Variants in MTA1 observed in about 807,000 individuals in gnomAD.
The protein encoded by MTA1 is metastasis-associated protein MTA1.
A neutral mutation model predicts 97.0 loss-of-function variants in MTA1; 15 were observed. The observed-to-expected ratio is 0.15, with a 90% CI of 0.10 to 0.24. MTA1 has a LOEUF of 0.24. Among genes scored for constraint, MTA1 ranks in the 10% least tolerant of loss-of-function variants. MTA1 has a pLI of 1.00. For missense variants in MTA1, 709 were observed against 1,015.1 expected (o/e 0.70, Z 4.10); for synonymous variants, 435 against 417.5 (o/e 1.04, Z -0.51).
intron 1 of MTA1, among the ~76,000 whole-genome samples, chr14:105,432,474 C>T (rs1595285095): frequency 6.6e-6 from 1 of 152,058 alleles, no homozygotes; most frequent in Non-Finnish European, 1.5e-5. Flanking sequence ...CTCCTGACCT[C>T]ATGATCCACC....
intron 7 of MTA1, among the ~76,000 whole-genome samples, chr14:105,457,306 T>G (rs1220007979): frequency 6.6e-6 from 1 of 152,236 alleles, no homozygotes; most frequent in Non-Finnish European, 1.5e-5. Context: ...GGTCTTGTTT[T>G]TTGGCGAGTA....
chr14:105,464,341 G>A (rs1394326644), intron 13 of MTA1, 75 bp from the exon 14 acceptor site: 1 of 1,579,516 alleles, frequency 6.3e-7, no homozygotes, highest in African/African-American at 1.3e-5. Context: ...CGGCCGGCGT[G>A]GGGGTGGCGG....
chr14:105,431,905 C>T (rs1377148659), intron 1 of MTA1, among the ~76,000 whole-genome samples: 4 of 152,160 alleles, frequency 2.6e-5, no homozygotes, highest in East Asian at 3.9e-4. Flanking sequence ...GGATTACAGG[C>T]GTGAGGCACT....
chr14:105,466,427 G>GGGGCC lies in MTA1; in HGVS notation c.1626_1627insGGGCC (p.Thr543GlyfsTer13). On this transcript the variant is annotated frameshift_variant and splice_region_variant, in exon 17 of 21. Transcript: ENST00000331320. LOFTEE classifies it high-confidence loss of function. ...TTCTGCCTGTGTCATTCCCGGCAGAGACCCACCCCCGCCCCCCCAAGCCTG... is the reference window on the plus strand; with the variant it reads ...TTCTGCCTGTGTCATTCCCGGCAGAGGGGCCACCCACCCCCGCCCCCCCAAGCCTG... 6.3e-7 allele frequency: 1 copy of GGGGCC among 1,592,098 alleles called. No individual in the cohort carries two copies. Among genetic ancestry groups the GGGGCC allele is most frequent in the Non-Finnish European group, 8.6e-7 (1 of 1,165,312 alleles).
At chr14:105,445,111 G>A (rs587646189) in intron 2 of MTA1, among the ~76,000 whole-genome samples, 7 of 152,244 alleles carry the variant, frequency 4.6e-5, no homozygotes, top group Non-Finnish European at 8.8e-5. Flanking sequence ...CCAGTGTGGC[G>A]GGGGCCTTTT....
intron 1 of MTA1, among the ~76,000 whole-genome samples, chr14:105,421,650 T>C (rs1159379110): frequency 1.3e-5 from 2 of 152,272 alleles, no homozygotes; most frequent in East Asian, 3.9e-4. Context: ...CTGCCCCCCC[T>C]CCAACCTTCC....
At chr14:105,438,598 C>G in intron 1 of MTA1, 74 bp from the exon 2 acceptor site, 1 of 1,399,396 alleles carries the variant, frequency 7.1e-7, no homozygotes, top group East Asian at 2.3e-5. Flanking sequence ...GCCCCGAGTC[C>G]CTGGGCCACG....
At chr14:105,441,213 G>A (rs1044552330) in intron 2 of MTA1, among the ~76,000 whole-genome samples, 3 of 152,232 alleles carry the variant, frequency 2.0e-5, no homozygotes, top group Admixed American at 6.5e-5. Context: ...AGTTCGTGCG[G>A]GGGCTGGAAG....
At chr14:105,449,437 G>A (rs375504230) in intron 4 of MTA1, 28 bp downstream of exon 4, 118 of 1,606,440 alleles carry the variant, frequency 7.3e-5, no homozygotes, top group African/African-American at 2.9e-4. Context: ...CAAGGAGGGC[G>A]TCCTCCTGTC....
chr14:105,421,051 C>CAGAGT (rs1566991558), intron 1 of MTA1, among the ~76,000 whole-genome samples: 1 of 152,078 alleles, frequency 6.6e-6, no homozygotes, highest in African/African-American at 2.4e-5. Context: ...GTCTCTCGAG[C>CAGAGT]GTGGCTTCTG....
At chr14:105,426,569 C>T (rs587636936) in intron 1 of MTA1, among the ~76,000 whole-genome samples, 4 of 152,216 alleles carry the variant, frequency 2.6e-5, no homozygotes, top group Middle Eastern at 3.4e-3. Flanking sequence ...GAGGGAGGGG[C>T]GTGTTCTGTC....
chr14:105,420,205 C>T lies in MTA1; in HGVS notation c.28+142C>T, dbSNP rs1195076414. ...CGGCCCCCGGCTCCTTCCCGAACCG[C>T]CCCCCGCCGTGCTCACCCCAACCCA... On this transcript the variant is annotated intron_variant, in intron 1 of 20. Coordinates refer to ENST00000331320, the MANE Select transcript of MTA1 (RefSeq NM_004689.4). The surrounding 1 kb of genome is among the most constrained non-coding windows in gnomAD (Gnocchi z 5.3). 2.3e-5 allele frequency: 8 copies of T among 351,848 alleles called. No homozygotes were observed. The highest frequency in any genetic ancestry group is 2.8e-5 in the Non-Finnish European group (7 of 248,688). 21.8% of individuals were successfully genotyped at this position (351,848 alleles called of 1,614,324 possible).
intron 15 of MTA1, 92 bp from the exon 16 acceptor site, chr14:105,465,002 G>A (rs1405452030): frequency 7.7e-6 from 11 of 1,424,114 alleles, no homozygotes; most frequent in Non-Finnish European, 9.3e-6. Flanking sequence ...TGACATGGCC[G>A]AGCCCAGTGA....
Position 105,466,573 on chromosome 14 carries a change from T to C in MTA1, c.1772T>C (p.Val591Ala). The C allele has an allele frequency of 6.3e-7, 1 of 1,575,598 alleles. No individual in the cohort carries two copies. The highest frequency in any genetic ancestry group is 1.2e-5 in the South Asian group (1 of 86,208). Residue 591 changes from valine (V) to alanine (A), a missense_variant, in exon 17 of 21, where the codon GTG becomes GCG. Physicochemically the swap from Val to Ala is moderately conservative, Grantham distance 64 (BLOSUM62 0). Around this residue, in one of 2 missense-constraint regions of MTA1, gnomAD observed 388 missense variants for 421.6 expected, o/e 0.92. Transcript: ENST00000331320. ...CGCAGCTACGAGCAGCACAACGGGG[T>C]GGACGGTGAGTGGCCCCCCCGCCCG... ...GKRSYEQHNG[V>A]DGNMKKRLLM...
In MTA1 at chr14:105,460,859, A is replaced by C; in HGVS notation, c.848A>C (p.Asp283Ala). The change falls in exon 10 of 21, where the codon GAC becomes GCC. Residue 283 changes from aspartate to alanine, a missense_variant. Transcript: ENST00000331320. The part of the protein sequence containing the change: ...VPQGGPVLCR[D>A]EMEEWSASEA... The stretch of plus-strand genomic sequence containing the variant: ...CAGGGCGGGCCCGTGCTCTGCAGGG[A>C]CGAGATGGAGGAGTGGTCTGCATCA... 6.2e-7 allele frequency: 1 copy of C among 1,612,866 alleles called. No individual in the cohort carries two copies. The highest frequency in any genetic ancestry group is 8.5e-7 in the Non-Finnish European group (1 of 1,179,740).
intron 7 of MTA1, among the ~76,000 whole-genome samples, chr14:105,455,992 G>A (rs587739731): frequency 4.7e-4 from 71 of 150,476 alleles, no homozygotes; most frequent in African/African-American, 1.5e-3. Context: ...TGGAGAGGCC[G>A]CTGTGCTGAG....
chr14:105,462,487 T>C (rs1448474483), intron 10 of MTA1, among the ~76,000 whole-genome samples: 1 of 151,802 alleles, frequency 6.6e-6, no homozygotes. Context: ...GAGAATCACT[T>C]GAACCCCCGG....
chr14:105,458,176 C>T (rs1424363369), intron 7 of MTA1, 94 bp from the exon 8 acceptor site: 1 of 1,044,200 alleles, frequency 9.6e-7, no homozygotes, highest in Admixed American at 2.0e-5. Context: ...CTTCCCCCTC[C>T]CCGTCCCAGC....
intron 14 of MTA1, 33 bp downstream of exon 14, chr14:105,464,600 G>A: frequency 6.2e-7 from 1 of 1,611,446 alleles, no homozygotes; most frequent in Non-Finnish European, 8.5e-7. Context: ...TGCCTGCCAT[G>A]AGCCTGTCGG....
Sources: gnomAD v4.1 joint callset for allele counts (sites outside exome capture counted in the v4.1 genomes callset) on GRCh38, gnomAD v4.1.1 for gene constraint, gnomAD v4.1.1 regional missense constraint, Gnocchi (gnomAD v3.1) non-coding constraint, MANE v1.5 for transcripts, NCBI Gene and HGNC (gene_info 2026-07-23, HGNC 2026-07-21) for gene names.